The following TRHDE variants were observed in gnomAD, a reference collection of about 807,000 sequenced individuals.
TRHDE encodes thyrotropin-releasing hormone-degrading ectoenzyme.
A neutral mutation model predicts 125.7 loss-of-function variants in TRHDE; 72 were observed. That is an observed-to-expected ratio of 0.57 (90% CI 0.47 to 0.70). The LOEUF (loss-of-function observed/expected upper bound fraction) is 0.70. Ranked by LOEUF, TRHDE falls within the 30% of genes least tolerant of loss-of-function variation. The probability of loss-of-function intolerance (pLI) is 0.00; values close to 1 mark genes in which losing one functional copy is unlikely to be tolerated. For missense variants in TRHDE, 1,110 were observed against 1,327.1 expected (o/e 0.84, Z 2.54); for synonymous variants, 509 against 509.1 (o/e 1.00, Z 0.00).
At chr12:72,131,956 C>A (rs564756787) in intron 2 of TRHDE, among the ~76,000 whole-genome samples, 19 of 152,126 alleles carry the variant, frequency 1.2e-4, no homozygotes, top group Non-Finnish European at 2.6e-4. Flanking sequence ...AATGGAGTAA[C>A]GAATGATCAA....
chr12:72,408,096 C>T (rs1048980036), intron 3 of TRHDE, among the ~76,000 whole-genome samples: 1 of 152,164 alleles, frequency 6.6e-6, no homozygotes, highest in Non-Finnish European at 1.5e-5. Context: ...TGTGACAGAG[C>T]AAGGGCAAGC....
At chr12:72,089,161 T>C (rs2139281008) in intron 1 of TRHDE, among the ~76,000 whole-genome samples, 1 of 152,296 alleles carries the variant, frequency 6.6e-6, no homozygotes, top group Middle Eastern at 3.4e-3. Context: ...CACGTGGCTC[T>C]AGCTTGAAAG....
chr12:72,151,833 G>A (rs1876373977), intron 2 of TRHDE, among the ~76,000 whole-genome samples: 4 of 152,138 alleles, frequency 2.6e-5, no homozygotes, highest in African/African-American at 9.7e-5. Flanking sequence ...GTAGCATGAT[G>A]CCTCCAGCTT....
chr12:72,181,837 C>T (rs1056970799), intron 2 of TRHDE, among the ~76,000 whole-genome samples: 2 of 152,052 alleles, frequency 1.3e-5, no homozygotes, highest in South Asian at 4.2e-4. Context: ...CAATTTTGAA[C>T]TTTTATGTGC....
At chr12:72,448,039 A>G (rs1226766917) in intron 3 of TRHDE, among the ~76,000 whole-genome samples, 1 of 152,102 alleles carries the variant, frequency 6.6e-6, no homozygotes, top group African/African-American at 2.4e-5. Flanking sequence ...TCCTTTGATC[A>G]AAAATGGTGT....
At chr12:72,327,209 C>A (rs1485964907) in intron 2 of TRHDE, among the ~76,000 whole-genome samples, 4 of 152,060 alleles carry the variant, frequency 2.6e-5, no homozygotes, top group Non-Finnish European at 4.4e-5. Flanking sequence ...AGACACTGAG[C>A]AGGAACTCTA....
intron 3 of TRHDE, among the ~76,000 whole-genome samples, chr12:72,458,792 C>A (rs535942892): frequency 3.9e-5 from 6 of 152,056 alleles, no homozygotes; most frequent in Non-Finnish European, 5.9e-5. Context: ...CTCTGGCTAC[C>A]CACTATTGAC....
chr12:72,598,143 C>CAG (rs1256714428), intron 12 of TRHDE, among the ~76,000 whole-genome samples: 1 of 151,992 alleles, frequency 6.6e-6, no homozygotes. Context: ...TAGTAACTAA[C>CAG]AGAGCTAACA....
chr12:72,267,834 A>T (rs1879101891), upstream of TRHDE, among the ~76,000 whole-genome samples: 1 of 152,096 alleles, frequency 6.6e-6, no homozygotes. Flanking sequence ...GTTGTTGTGG[A>T]CAAACTACAG....
At chr12:72,461,843 T>C (rs577546381) in intron 3 of TRHDE, among the ~76,000 whole-genome samples, 19 of 152,310 alleles carry the variant, frequency 1.2e-4, no homozygotes, top group African/African-American at 4.6e-4. Flanking sequence ...CTGAGGCCTA[T>C]GATGCATTCA....
chr12:72,612,655 A>G (rs1336031573), intron 12 of TRHDE, among the ~76,000 whole-genome samples: 1 of 152,216 alleles, frequency 6.6e-6, no homozygotes, highest in Non-Finnish European at 1.5e-5. Flanking sequence ...AGGATAGTAG[A>G]CTGAAATAAA....
intron 2 of TRHDE, among the ~76,000 whole-genome samples, chr12:72,354,130 G>T (rs1413395192): frequency 1.3e-5 from 2 of 151,440 alleles, no homozygotes; most frequent in African/African-American, 2.4e-5. Flanking sequence ...GTAGAAATGT[G>T]ATAGATCTCA....
chr12:72,310,615 AATT>A (rs1234513808), intron 2 of TRHDE, among the ~76,000 whole-genome samples: 4 of 152,132 alleles, frequency 2.6e-5, no homozygotes, highest in South Asian at 2.1e-4. Flanking sequence ...ATGTTTTGTC[AATT>A]ATTATTATAA....
intron 3 of TRHDE, among the ~76,000 whole-genome samples, chr12:72,433,009 A>G (rs960817470): frequency 6.6e-6 from 1 of 152,110 alleles, no homozygotes. Flanking sequence ...TTTTATTATT[A>G]TGAAAGGGTG....
At chr12:72,111,403 C>T (rs527457626) in intron 2 of TRHDE, among the ~76,000 whole-genome samples, 3 of 152,216 alleles carry the variant, frequency 2.0e-5, no homozygotes, top group African/African-American at 7.2e-5. Flanking sequence ...AAAAGGCAAA[C>T]CTTCCCTCAG....
intron 7 of TRHDE, chr12:72,560,783 A>C (rs1870139442): frequency 6.6e-6 from 1 of 152,236 alleles, no homozygotes; most frequent in African/African-American, 2.4e-5. Flanking sequence ...CCGTGATCAT[A>C]CTACTACACT....
chr12:72,612,150 CA>C (rs1872655840), intron 12 of TRHDE, among the ~76,000 whole-genome samples: 1 of 152,128 alleles, frequency 6.6e-6, no homozygotes, highest in Non-Finnish European at 1.5e-5. Flanking sequence ...GCTGTTTCCT[CA>C]GTCAGTATTC....
At chr12:72,538,497 G>A (rs1350932701) in intron 6 of TRHDE, among the ~76,000 whole-genome samples, 2 of 151,892 alleles carry the variant, frequency 1.3e-5, no homozygotes, top group East Asian at 1.9e-4. Flanking sequence ...ACAATTATAC[G>A]ATTCTGTTTT....
intron 15 of TRHDE, among the ~76,000 whole-genome samples, chr12:72,649,675 C>T (rs1293941183): frequency 6.6e-6 from 1 of 152,060 alleles, no homozygotes; most frequent in East Asian, 1.9e-4. Context: ...ATATAAGACA[C>T]TCCTTCAACT....
Sources: allele counts gnomAD v4.1 joint callset (sites outside exome capture counted in the v4.1 genomes callset), GRCh38; gene constraint gnomAD v4.1.1; transcripts MANE v1.5; gene names NCBI Gene and HGNC (gene_info 2026-07-23, HGNC 2026-07-21).